GALNT13: variants seen among roughly 807,000 people sequenced by gnomAD.
GALNT13 encodes polypeptide N-acetylgalactosaminyltransferase 13.
GALNT13 carries 28 observed loss-of-function variants against 64.2 expected under a neutral mutation model. The ratio of observed to expected loss-of-function variants is 0.44; its 90% CI spans 0.32 to 0.60. The LOEUF is 0.60. Ranked by LOEUF, GALNT13 falls within the 20% of genes least tolerant of loss-of-function variation. The pLI, the probability that GALNT13 is intolerant of heterozygous loss-of-function variation, is 0.05. For synonymous variants in GALNT13, 214 were observed against 224.6 expected (o/e 0.95, Z 0.42); for missense variants, 577 against 669.8 (o/e 0.86, Z 1.53).
the GALNT13 span, among the ~76,000 whole-genome samples, chr2:153,185,751 A>G: frequency 1.3e-5 from 2 of 152,120 alleles, no homozygotes; most frequent in African/African-American, 4.8e-5. Flanking sequence ...TTCAATTTCC[A>G]TATAGTTGTG....
intron 4 of GALNT13, among the ~76,000 whole-genome samples, chr2:154,188,549 A>G (rs2105748673): frequency 6.6e-6 from 1 of 152,330 alleles, no homozygotes; most frequent in Non-Finnish European, 1.5e-5. Context: ...AAAGCTTTGC[A>G]TGTAAATTAA....
the GALNT13 span, among the ~76,000 whole-genome samples, chr2:153,384,681 C>T: frequency 6.6e-6 from 1 of 152,088 alleles, no homozygotes; most frequent in African/African-American, 2.4e-5. Context: ...CAATGTCCCA[C>T]TCAAAACTAT....
chr2:153,160,564 T>A, the GALNT13 span, among the ~76,000 whole-genome samples: 1 of 152,212 alleles, frequency 6.6e-6, no homozygotes, highest in Non-Finnish European at 1.5e-5. Context: ...GGTCATGAAC[T>A]TATCAGTGAT....
the GALNT13 span, among the ~76,000 whole-genome samples, chr2:153,103,161 A>G: frequency 6.6e-6 from 1 of 152,128 alleles, no homozygotes; most frequent in Non-Finnish European, 1.5e-5. Context: ...TTTCCCTGCA[A>G]CCAGAAGAAT....
the GALNT13 span, among the ~76,000 whole-genome samples, chr2:153,190,194 C>T: frequency 4.0e-5 from 6 of 151,872 alleles, no homozygotes; most frequent in African/African-American, 1.5e-4. Context: ...TAGTGTTTCC[C>T]GTGTGTTTTC....
the GALNT13 span, among the ~76,000 whole-genome samples, chr2:153,656,364 A>G: frequency 6.6e-6 from 1 of 150,568 alleles, no homozygotes; most frequent in Non-Finnish European, 1.5e-5. Flanking sequence ...GTGTGTGTGC[A>G]TGTGTATGTG....
the GALNT13 span, among the ~76,000 whole-genome samples, chr2:153,177,167 C>G: frequency 0.49 from 73,772 of 151,848 alleles, 18,598 homozygotes; most frequent in East Asian, 0.81. Context: ...CATGACATTA[C>G]TAGCAAAAAG....
chr2:154,015,554 T>C (rs1182376101), intron 3 of GALNT13, among the ~76,000 whole-genome samples: 1 of 152,210 alleles, frequency 6.6e-6, no homozygotes, highest in African/African-American at 2.4e-5. Flanking sequence ...AACGCAGCTA[T>C]CAGTGGACAA....
intron 9 of GALNT13, among the ~76,000 whole-genome samples, chr2:154,341,361 G>A (rs968168900): frequency 1.3e-5 from 2 of 152,008 alleles, no homozygotes; most frequent in African/African-American, 4.8e-5. Flanking sequence ...TCGCTAAAAT[G>A]TGCAATATAC....
At chr2:153,583,536 C>T in the GALNT13 span, among the ~76,000 whole-genome samples, 1 of 152,130 alleles carries the variant, frequency 6.6e-6, no homozygotes, top group Non-Finnish European at 1.5e-5. Flanking sequence ...AGTGAATTCC[C>T]AATATGGGAG....
chr2:153,452,886 A>C, the GALNT13 span, among the ~76,000 whole-genome samples: 1 of 152,202 alleles, frequency 6.6e-6, no homozygotes, highest in Admixed American at 6.5e-5. Context: ...CTATAAGGCT[A>C]TAATAATCAA....
At chr2:153,717,559 G>A in the GALNT13 span, among the ~76,000 whole-genome samples, 71 of 152,276 alleles carry the variant, frequency 4.7e-4, no homozygotes, top group African/African-American at 1.6e-3. Flanking sequence ...CAAAAATTAT[G>A]TCAACGTTAT....
At chr2:153,313,890 T>C in the GALNT13 span, among the ~76,000 whole-genome samples, 1 of 152,190 alleles carries the variant, frequency 6.6e-6, no homozygotes, top group Non-Finnish European at 1.5e-5. Flanking sequence ...CCAAGAGTAT[T>C]TTTATTTTTC....
intron 3 of GALNT13, among the ~76,000 whole-genome samples, chr2:154,102,330 AC>A (rs2105466599): frequency 6.6e-6 from 1 of 152,284 alleles, no homozygotes; most frequent in South Asian, 2.1e-4. Context: ...TCAGAAGAGA[AC>A]AACCCTGCTC....
the GALNT13 span, among the ~76,000 whole-genome samples, chr2:153,834,826 TTGGAGCCA>T: frequency 6.6e-6 from 1 of 151,908 alleles, no homozygotes; most frequent in South Asian, 2.1e-4. Context: ...TGAGGTGGAG[TTGGAGCCA>T]TGGCAAGATG....
At chr2:153,204,108 T>C in the GALNT13 span, among the ~76,000 whole-genome samples, 1 of 152,208 alleles carries the variant, frequency 6.6e-6, no homozygotes, top group Non-Finnish European at 1.5e-5. Context: ...CTAATACCAG[T>C]GTGTATAACT....
At chr2:154,151,189 C>T (rs1683992659) in intron 4 of GALNT13, among the ~76,000 whole-genome samples, 1 of 152,088 alleles carries the variant, frequency 6.6e-6, no homozygotes, top group African/African-American at 2.4e-5. Flanking sequence ...CTTTATGTAT[C>T]CAGTAGTCAT....
chr2:153,798,803 A>G, the GALNT13 span, among the ~76,000 whole-genome samples: 1 of 152,286 alleles, frequency 6.6e-6, no homozygotes. Context: ...TGTTATGGTT[A>G]ATTAATCGTT....
intron 4 of GALNT13, 31 bp from the exon 5 acceptor site, chr2:154,241,999 A>C (rs920530593): frequency 1.4e-6 from 2 of 1,451,552 alleles, no homozygotes; most frequent in African/African-American, 2.9e-5. Flanking sequence ...AAATGCATTT[A>C]TTAAGATCCC....
Sources: allele counts gnomAD v4.1 joint callset (sites outside exome capture counted in the v4.1 genomes callset), GRCh38; gene constraint gnomAD v4.1.1; transcripts MANE v1.5; gene names NCBI Gene and HGNC (gene_info 2026-07-23, HGNC 2026-07-21).